The following HRG variants were observed in gnomAD, a reference collection of about 807,000 sequenced individuals.
The protein encoded by HRG is histidine-rich glycoprotein.
HRG carries 26 observed loss-of-function variants against 29.5 expected under a neutral mutation model. The observed-to-expected ratio is 0.88, with a 90% CI of 0.65 to 1.22. HRG has a LOEUF of 1.22. Among genes scored for constraint, HRG ranks in the 50% most tolerant of loss-of-function variants. The pLI, the probability that HRG is intolerant of heterozygous loss-of-function variation, is 0.00. For missense variants in HRG, 671 were observed against 654.5 expected, an observed-to-expected ratio of 1.03 and a Z score of -0.28; for synonymous variants, 243 against 240.4, an observed-to-expected ratio of 1.01 and a Z score of -0.10.
rs1719046878 is a variant in HRG at position 186,677,621 on chromosome 3, G to C, written c.1316G>C (p.Arg439Thr). 6.2e-7 allele frequency: 1 copy of C among 1,614,032 alleles called. No homozygotes were observed. Among genetic ancestry groups the C allele is most frequent in the Non-Finnish European group, 8.5e-7 (1 of 1,180,028 alleles). Residue 439 changes from arginine (R) to threonine (T), a missense_variant, in exon 7 of 7, where the codon AGA becomes ACA. Coordinates refer to ENST00000232003, the MANE Select transcript of HRG (RefSeq NM_000412.5). ...HGHGPPPGHLRRRGPGKGPRP... is the reference protein window; with the variant it reads ...HGHGPPPGHLTRRGPGKGPRP... Reference sequence around the variant, plus strand: ...CACGGCCCACCACCTGGGCACTTAAGAAGGCGAGGCCCAGGTAAAGGACCC... The same window carrying C: ...CACGGCCCACCACCTGGGCACTTAACAAGGCGAGGCCCAGGTAAAGGACCC...
intron 1 of HRG, among the ~76,000 whole-genome samples, chr3:186,668,065 G>C (rs1718667880): frequency 6.6e-6 from 1 of 152,184 alleles, no homozygotes; most frequent in African/African-American, 2.4e-5. Context: ...AGGTGTGCAG[G>C]AGTTTAGGAT....
In HRG at chr3:186,677,700, A is replaced by G. The variant is rs1311650920; in HGVS notation, c.1395A>G (p.Arg465=). 1 of 1,611,854 alleles carries G rather than the reference A, an allele frequency of 6.2e-7. No homozygotes were observed. Among genetic ancestry groups the G allele is most frequent in the African/African-American group, 1.3e-5 (1 of 74,882 alleles). Residue 465 remains arginine (R), a synonymous_variant, in exon 7 of 7, where the codon AGA becomes AGG. Coordinates refer to ENST00000232003, the MANE Select transcript of HRG (RefSeq NM_000412.5). ...IGSVYRLPPL[R]KGEVLPLPEA... is the part of the protein sequence containing the mutation. ...CTGTGTACCGACTCCCTCCTCTAAG[A>G]AAAGGTGAGGTGCTGCCACTTCCTG...
chr3:186,667,552 G>A (rs1382904949), intron 1 of HRG, among the ~76,000 whole-genome samples: 1 of 152,014 alleles, frequency 6.6e-6, no homozygotes, highest in Non-Finnish European at 1.5e-5. Flanking sequence ...GACCAAAGGA[G>A]TGGTAAATGT....
intron 1 of HRG, among the ~76,000 whole-genome samples, chr3:186,666,493 G>T (rs562605149): frequency 6.6e-6 from 1 of 152,282 alleles, no homozygotes; most frequent in African/African-American, 2.4e-5. Flanking sequence ...TAAGCTATGG[G>T]CCTTGGCCTC....
chr3:186,667,946 C>T (rs1718665084), intron 1 of HRG, among the ~76,000 whole-genome samples: 1 of 152,256 alleles, frequency 6.6e-6, no homozygotes, highest in South Asian at 2.1e-4. Context: ...AACCTACTCT[C>T]CCTCTGATGG....
chr3:186,673,719 G>T (rs1450133852), intron 5 of HRG: 1 of 152,130 alleles, frequency 6.6e-6, no homozygotes, highest in East Asian at 1.9e-4. Context: ...CAAAGGAAAG[G>T]TCTTGCCGAT....
intron 6 of HRG, among the ~76,000 whole-genome samples, chr3:186,676,209 A>G (rs1272308542): frequency 1.3e-5 from 2 of 152,056 alleles, no homozygotes; most frequent in East Asian, 3.9e-4. Context: ...TGAACAAGGA[A>G]GAGAGAGAAG....
chr3:186,676,955 G>T lies in HRG; in HGVS notation c.742-92G>T, dbSNP rs1022333478. 1.1e-5 allele frequency: 15 copies of T among 1,401,480 alleles called. No homozygotes were observed. In the African/African-American group the frequency reaches 2.0e-4, roughly 19 times the overall value. The allele number at this position is 1,401,480 out of a possible 1,614,324, so 86.8% of individuals were successfully genotyped here. A position where few individuals can be genotyped will look rare whatever the true frequency, so the allele number is the denominator to read the frequency against. On this transcript the variant is annotated intron_variant, in intron 6 of 6. Coordinates refer to ENST00000232003, the MANE Select transcript of HRG (RefSeq NM_000412.5). Reference sequence around the variant, plus strand: ...TTTTAAATTGATTTGTGGAATCTATGATCTGGGAGCCATTGGTGTAAATCA... The same window carrying T: ...TTTTAAATTGATTTGTGGAATCTATTATCTGGGAGCCATTGGTGTAAATCA...
chr3:186,673,392 G>A (rs1222105117), intron 5 of HRG: 8 of 197,690 alleles, frequency 4.0e-5, no homozygotes, highest in Non-Finnish European at 6.3e-5. Context: ...GGTTACAGGC[G>A]CAAGCCACCA....
At position 186,677,181 on chromosome 3, in the gene HRG, A is replaced by G; in HGVS notation, c.876A>G (p.Pro292=). The G allele has an allele frequency of 1.2e-6, 2 of 1,613,954 alleles. No homozygotes were observed. Among genetic ancestry groups the G allele is most frequent in the Non-Finnish European group, 8.5e-7 (1 of 1,179,976 alleles). Residue 292 remains proline (P), a synonymous_variant, in exon 7 of 7, where the codon CCA becomes CCG. Coordinates refer to ENST00000232003, the MANE Select transcript of HRG (RefSeq NM_000412.5). The part of the protein sequence containing the change: ...GSRDHHHPHK[P]HEHGPPPPPD... ...GAGATCATCATCATCCCCACAAGCC[A>G]CACGAACATGGACCCCCACCTCCTC...
chr3:186,671,597 G>A, intron 3 of HRG, 26 bp from the exon 4 acceptor site: 1 of 1,611,162 alleles, frequency 6.2e-7, no homozygotes, highest in South Asian at 1.1e-5. Flanking sequence ...GCCCTTTACT[G>A]TGACACTGCT....
Position 186,677,400 on chromosome 3 carries a change from T to A in HRG, c.1095T>A (p.His365Gln). Residue 365 changes from histidine to glutamine, a missense_variant, in exon 7 of 7, where the codon CAT becomes CAA. Transcript: ENST00000232003. ...ATGAACAGCATCCCCACGGACACCA[T>A]CCCCATGCACACCATCCTCATGAAC... is the stretch of plus-strand genomic sequence containing the variant. ...HSHEQHPHGH[H>Q]PHAHHPHEHD... is the part of the protein sequence containing the mutation. 6.2e-7 allele frequency: 1 copy of A among 1,610,690 alleles called. No individual in the cohort carries two copies. Among genetic ancestry groups the A allele is most frequent in the Non-Finnish European group, 8.5e-7 (1 of 1,178,456 alleles).
At position 186,677,329 on chromosome 3, in the gene HRG, C is replaced by T; in HGVS notation, c.1024C>T (p.His342Tyr). ...CACAAATGGGGCCCAAAGACATTCTCATAATAATAATTCCAGTGACCTCCA... is the reference window on the plus strand; with the variant it reads ...CACAAATGGGGCCCAAAGACATTCTTATAATAATAATTCCAGTGACCTCCA... Reference protein sequence around the residue: ...FGTNGAQRHSHNNNSSDLHPH... With the variant: ...FGTNGAQRHSYNNNSSDLHPH... The change falls in exon 7 of 7, where the codon CAT (histidine) becomes TAT (tyrosine). Residue 342 changes from histidine to tyrosine, a missense_variant. By Grantham distance (83) the His-to-Tyr change is moderately conservative (BLOSUM62 2). Transcript: ENST00000232003. 6.2e-7 allele frequency: 1 copy of T among 1,614,116 alleles called. No individual in the cohort carries two copies. Among genetic ancestry groups the T allele is most frequent in the Non-Finnish European group, 8.5e-7 (1 of 1,180,002 alleles).
At chr3:186,668,688 T>G in intron 1 of HRG, 1 of 475,704 alleles carries the variant, frequency 2.1e-6, no homozygotes. Context: ...ACCACTGCCG[T>G]TTAGTGATAG....
intron 5 of HRG, chr3:186,674,818 C>G: frequency 4.8e-6 from 2 of 418,114 alleles, no homozygotes; most frequent in Non-Finnish European, 9.0e-6. Context: ...TGTGGTTTTC[C>G]TCATCATTTC....
At position 186,666,218 on chromosome 3, in the gene HRG, A is replaced by G. The variant is rs746561677; in HGVS notation, c.183+4A>G. 7 of 1,613,664 alleles carry G rather than the reference A, an allele frequency of 4.3e-6. No individual in the cohort carries two copies. The South Asian group carries it at 7.7e-5, about 18-fold the overall frequency. ...TGATGCCCACTTGGACAGAGTGGTGAGGAATTGCCAATGGCAGAGCTGAGT... is the reference window on the plus strand; with the variant it reads ...TGATGCCCACTTGGACAGAGTGGTGGGGAATTGCCAATGGCAGAGCTGAGT... On this transcript the variant is annotated splice_donor_region_variant and intron_variant, in intron 1 of 6. Transcript: ENST00000232003.
chr3:186,677,453 G>A lies in HRG; in HGVS notation c.1148G>A (p.Gly383Glu). Residue 383 changes from glycine to glutamate, a missense_variant, in exon 7 of 7, where the codon GGA (glycine) becomes GAA (glutamate). Gly to Glu is a moderately conservative substitution (Grantham distance 98, BLOSUM62 -2). Coordinates refer to ENST00000232003, the MANE Select transcript of HRG (RefSeq NM_000412.5). The part of the protein sequence containing the change: ...EHDTHRQHPH[G>E]HHPHGHHPHG... ...GATACCCATAGACAGCATCCCCATG[G>A]ACACCACCCCCATGGACACCATCCT... The A allele has an allele frequency of 6.3e-7, 1 of 1,590,678 alleles. No individual in the cohort carries two copies. Among genetic ancestry groups the A allele is most frequent in the Admixed American group, 1.8e-5 (1 of 55,562 alleles).
chr3:186,671,952 C>CA (rs1337908962), intron 4 of HRG, among the ~76,000 whole-genome samples, 163 bp downstream of exon 4: 1 of 136,950 alleles, frequency 7.3e-6, no homozygotes, highest in African/African-American at 2.7e-5. Flanking sequence ...TTAAAAAATA[C>CA]AAAAAAATTG....
chr3:186,669,964 T>C lies in HRG; in HGVS notation c.327T>C (p.Ala109=). 1 of 1,598,160 alleles carries C rather than the reference T, an allele frequency of 6.3e-7. No individual in the cohort carries two copies. The highest frequency in any genetic ancestry group is 8.6e-7 in the Non-Finnish European group (1 of 1,167,242). Residue 109 remains alanine (A), a synonymous_variant, in exon 3 of 7, where the codon GCT becomes GCC. Transcript: ENST00000232003. Reference sequence around the variant, plus strand: ...TGATCGGACAATGTAAGGTAATAGCTACAAGACATTCCCATGAATCTCAGG... The same window carrying C: ...TGATCGGACAATGTAAGGTAATAGCCACAAGACATTCCCATGAATCTCAGG... The part of the protein sequence containing the change: ...EIVIGQCKVI[A]TRHSHESQDL...
Sources: allele counts gnomAD v4.1 joint callset (sites outside exome capture counted in the v4.1 genomes callset), GRCh38; gene constraint gnomAD v4.1.1; transcripts MANE v1.5; gene names NCBI Gene and HGNC (gene_info 2026-07-23, HGNC 2026-07-21).